The following FBXW8 variants were observed in gnomAD, a reference collection of about 807,000 sequenced individuals.
FBXW8 encodes the protein F-box and WD repeat domain containing 8, also known as F-box/WD repeat-containing protein 8.
In FBXW8, 57 loss-of-function variants were observed where a neutral mutation model predicts 65.3. The observed-to-expected ratio is 0.87, with a 90% confidence interval of 0.71 to 1.09. The LOEUF is 1.09. FBXW8 is among the 50% of genes least tolerant of loss of function. The pLI is 0.00. For missense variants in FBXW8, 777 were observed against 814.8 expected (o/e 0.95, Z 0.57); for synonymous variants, 308 against 330.2 (o/e 0.93, Z 0.73).
At chr12:116,996,327 C>T (rs1953372360) in intron 7 of FBXW8, among the ~76,000 whole-genome samples, 1 of 152,106 alleles carries the variant, frequency 6.6e-6, no homozygotes, top group African/African-American at 2.4e-5. Flanking sequence ...GATAATTATT[C>T]CCCATACACG....
chr12:116,950,505 T>A (rs767735080), intron 4 of FBXW8: 1 of 152,160 alleles, frequency 6.6e-6, no homozygotes, highest in Non-Finnish European at 1.5e-5. Flanking sequence ...TAAAACTCAG[T>A]AGTAGAGGAG....
At chr12:117,001,202 G>C (rs1953512115) in intron 7 of FBXW8, among the ~76,000 whole-genome samples, 2 of 152,232 alleles carry the variant, frequency 1.3e-5, no homozygotes, top group Admixed American at 1.3e-4. Flanking sequence ...GCACCATGTA[G>C]AGTGAGTAGA....
intron 4 of FBXW8, among the ~76,000 whole-genome samples, chr12:116,954,320 G>A (rs933925940): frequency 6.6e-6 from 1 of 151,796 alleles, no homozygotes; most frequent in Non-Finnish European, 1.5e-5. Context: ...TTAGATTTGT[G>A]GCCTTTTCCC....
chr12:117,013,974 C>T (rs1227686650), intron 8 of FBXW8, among the ~76,000 whole-genome samples: 1 of 151,868 alleles, frequency 6.6e-6, no homozygotes, highest in Non-Finnish European at 1.5e-5. Context: ...ATGTCTTTCA[C>T]TAAATTTGGA....
chr12:116,946,758 C>T (rs547771886), intron 3 of FBXW8, among the ~76,000 whole-genome samples: 13 of 152,056 alleles, frequency 8.5e-5, no homozygotes, highest in African/African-American at 1.9e-4. Context: ...CCCTCTTGCC[C>T]GTGTGCCTGG....
At chr12:116,952,758 GAC>G (rs1211980933) in intron 4 of FBXW8, among the ~76,000 whole-genome samples, 3 of 152,020 alleles carry the variant, frequency 2.0e-5, no homozygotes, top group Non-Finnish European at 4.4e-5. Context: ...ATTGTTTTGA[GAC>G]ACAGTCTCAC....
chr12:116,992,681 C>T (rs1159383047), intron 7 of FBXW8, among the ~76,000 whole-genome samples: 1 of 151,950 alleles, frequency 6.6e-6, no homozygotes, highest in African/African-American at 2.4e-5. Flanking sequence ...AGTTACTTCA[C>T]TTAGGATAAT....
intron 1 of FBXW8, among the ~76,000 whole-genome samples, chr12:116,916,628 T>C (rs1409023524): frequency 6.6e-6 from 1 of 152,110 alleles, no homozygotes; most frequent in East Asian, 1.9e-4. Context: ...CTGGGCATGG[T>C]GGCACATGCC....
chr12:116,954,835 C>G (rs1348274489), intron 4 of FBXW8, among the ~76,000 whole-genome samples: 1 of 152,168 alleles, frequency 6.6e-6, no homozygotes, highest in Non-Finnish European at 1.5e-5. Flanking sequence ...TAGTGCTGTA[C>G]ATAGTGAGAG....
At chr12:117,002,389 A>T (rs568724591) in intron 7 of FBXW8, 11 of 152,362 alleles carry the variant, frequency 7.2e-5, no homozygotes, top group African/African-American at 2.6e-4. Flanking sequence ...GCTGAATTTG[A>T]GCATGGACGG....
chr12:116,967,645 A>T (rs1418484125), intron 5 of FBXW8, among the ~76,000 whole-genome samples: 1 of 152,084 alleles, frequency 6.6e-6, no homozygotes, highest in African/African-American at 2.4e-5. Context: ...TTTCTCTGCA[A>T]ATTGTTTGTT....
intron 7 of FBXW8, among the ~76,000 whole-genome samples, chr12:117,002,032 C>G (rs1349076452): frequency 6.6e-6 from 1 of 152,200 alleles, no homozygotes; most frequent in African/African-American, 2.4e-5. Context: ...GATTTGTACC[C>G]GAGTGTACTC....
At chr12:117,016,624 TGAA>T (rs752063121) in intron 8 of FBXW8, among the ~76,000 whole-genome samples, 1 of 151,900 alleles carries the variant, frequency 6.6e-6, no homozygotes. Context: ...TCAATTTTGA[TGAA>T]GTTCTATTTG....
At chr12:116,998,108 C>T (rs1356546727) in intron 7 of FBXW8, among the ~76,000 whole-genome samples, 2 of 152,166 alleles carry the variant, frequency 1.3e-5, no homozygotes, top group African/African-American at 2.4e-5. Flanking sequence ...TGTGAGCCAC[C>T]GCGCCTGGCC....
chr12:116,980,054 C>G (rs965008808), intron 5 of FBXW8, among the ~76,000 whole-genome samples: 13 of 152,108 alleles, frequency 8.5e-5, no homozygotes, highest in Non-Finnish European at 2.9e-5. Context: ...GAAGCTGATT[C>G]ATGGACTGGG....
At chr12:116,947,768 G>GAA (rs142041332) in intron 3 of FBXW8, among the ~76,000 whole-genome samples, 1,944 of 145,024 alleles carry the variant, frequency 0.013, 37 homozygotes, top group African/African-American at 0.046. Context: ...AAGAAAGAAA[G>GAA]AAATGAAAGG....
At chr12:117,017,978 T>C (rs1565943991) in intron 8 of FBXW8, among the ~76,000 whole-genome samples, 1 of 152,044 alleles carries the variant, frequency 6.6e-6, no homozygotes, top group Non-Finnish European at 1.5e-5. Flanking sequence ...AGAGAGAGAG[T>C]GATTGGGGCG....
At chr12:116,969,708 G>A (rs1236908550) in intron 5 of FBXW8, among the ~76,000 whole-genome samples, 1 of 152,012 alleles carries the variant, frequency 6.6e-6, no homozygotes, top group Non-Finnish European at 1.5e-5. Context: ...TGGTCTACAC[G>A]CACATTCTCG....
chr12:116,990,840 A>AGG (rs1953221685), intron 7 of FBXW8, among the ~76,000 whole-genome samples: 1 of 152,104 alleles, frequency 6.6e-6, no homozygotes, highest in Non-Finnish European at 1.5e-5. Flanking sequence ...TTTTGTGAAA[A>AGG]ATCCTTGGTT....
Sources: allele counts gnomAD v4.1 joint callset (sites outside exome capture counted in the v4.1 genomes callset), GRCh38; gene constraint gnomAD v4.1.1; transcripts MANE v1.5; gene names NCBI Gene and HGNC (gene_info 2026-07-23, HGNC 2026-07-21).